Variants in IL1RN observed in about 807,000 individuals in gnomAD.
The protein encoded by IL1RN is interleukin-1 receptor antagonist protein.
IL1RN carries 10 observed loss-of-function variants against 13.7 expected under a neutral mutation model. That is an observed-to-expected ratio of 0.73 (90% CI 0.45 to 1.24). IL1RN has a LOEUF of 1.24. Ranked by LOEUF, IL1RN falls within the 50% of genes most tolerant of loss-of-function variation. The pLI is 0.00. For synonymous variants in IL1RN, 102 were observed against 82.7 expected, an observed-to-expected ratio of 1.23 and a Z score of -1.27; for missense variants, 213 against 222.1, an observed-to-expected ratio of 0.96 and a Z score of 0.26.
rs442710 is a variant in IL1RN, at chr2:113,129,822, G to A, written c.205+158G>A. 0.24 allele frequency: 159,049 copies of A among 658,132 alleles called. 21,569 individuals are homozygous for A. Among genetic ancestry groups the A allele is most frequent in the Admixed American group, 0.3 (14,235 of 47,506 alleles). 40.8% of individuals were successfully genotyped at this position (658,132 alleles called of 1,614,324 possible). A position where few individuals can be genotyped will look rare whatever the true frequency, so the allele number is the denominator to read the frequency against. Reference sequence around the variant, plus strand: ...TTGAAGCTGGGAGGGCCTGGCTACTGAAGGGCACATATGAGGGCAGCCTGA... The same window carrying A: ...TTGAAGCTGGGAGGGCCTGGCTACTAAAGGGCACATATGAGGGCAGCCTGA... On this transcript the variant is annotated intron_variant, in intron 2 of 3. Transcript: ENST00000409930.
intron 2 of IL1RN, chr2:113,121,311 C>T: frequency 4.2e-6 from 1 of 239,564 alleles, no homozygotes; most frequent in Non-Finnish European, 6.7e-6. Context: ...TATGTCTGTC[C>T]ACTTTGCACA....
At chr2:113,120,967 T>G (rs76619959) in intron 2 of IL1RN, among the ~76,000 whole-genome samples, 3 of 147,074 alleles carry the variant, frequency 2.0e-5, no homozygotes, top group African/African-American at 8.2e-5. Flanking sequence ...TAGTTTCTTC[T>G]TCTTCTTCTT....
upstream of IL1RN, among the ~76,000 whole-genome samples, chr2:113,106,523 C>T (rs984286107): frequency 5.3e-5 from 8 of 152,110 alleles, no homozygotes; most frequent in African/African-American, 1.9e-4. Context: ...TTAATTATTG[C>T]TTGTGTTTAC....
chr2:113,128,795 G>A (rs1687056108), intron 1 of IL1RN, among the ~76,000 whole-genome samples: 3 of 152,194 alleles, frequency 2.0e-5, no homozygotes, highest in Admixed American at 2.0e-4. Flanking sequence ...CAGGTCCCAG[G>A]TCAGGCTGGC....
chr2:113,118,441 T>C (rs1371419870), intron 1 of IL1RN, among the ~76,000 whole-genome samples: 1 of 151,248 alleles, frequency 6.6e-6, no homozygotes, highest in East Asian at 2.0e-4. Flanking sequence ...GGTCTGAGGG[T>C]TGATTGATAA....
At chr2:113,116,576 C>T (rs1043741350), upstream of IL1RN, among the ~76,000 whole-genome samples, 2 of 152,128 alleles carry the variant, frequency 1.3e-5, no homozygotes, top group South Asian at 2.1e-4. Flanking sequence ...ATGAAGAGAC[C>T]CTGGGAATGA....
chr2:113,106,993 A>T (rs1370571344), upstream of IL1RN, among the ~76,000 whole-genome samples: 1 of 152,246 alleles, frequency 6.6e-6, no homozygotes, highest in Non-Finnish European at 1.5e-5. Flanking sequence ...AAAGAAAACT[A>T]TTGTGCTGAA....
chr2:113,100,801 A>T, the IL1RN span, among the ~76,000 whole-genome samples: 5 of 152,290 alleles, frequency 3.3e-5, no homozygotes, highest in African/African-American at 1.2e-4. Flanking sequence ...CACAAAGAAG[A>T]TCCAAGTGAC....
upstream of IL1RN, among the ~76,000 whole-genome samples, chr2:113,123,133 TA>T (rs928471146): frequency 1.3e-5 from 2 of 152,034 alleles, no homozygotes; most frequent in Non-Finnish European, 2.9e-5. Flanking sequence ...CTCAAAAAAA[TA>T]AATAAATAAA....
chr2:113,104,781 A>C (rs1022034573), upstream of IL1RN, among the ~76,000 whole-genome samples: 1 of 152,056 alleles, frequency 6.6e-6, no homozygotes, highest in Admixed American at 6.5e-5. Context: ...TATACTGATA[A>C]TGGGACTGAT....
intron 1 of IL1RN, among the ~76,000 whole-genome samples, chr2:113,111,800 A>T (rs1223788394): frequency 2.0e-5 from 3 of 152,282 alleles, no homozygotes; most frequent in African/African-American, 7.2e-5. Flanking sequence ...CTTCGTGTGC[A>T]CACACAAAAA....
intron 1 of IL1RN, among the ~76,000 whole-genome samples, chr2:113,118,617 AG>A (rs375121151): frequency 6.6e-6 from 1 of 152,360 alleles, no homozygotes; most frequent in African/African-American, 2.4e-5. Context: ...CAATAAAGCA[AG>A]CAGATAAAAT....
chr2:113,104,211 A>G (rs1686354932), upstream of IL1RN, among the ~76,000 whole-genome samples: 1 of 152,218 alleles, frequency 6.6e-6, no homozygotes, highest in Non-Finnish European at 1.5e-5. Flanking sequence ...TGTCAGTGTT[A>G]GCTGGTCACT....
upstream of IL1RN, among the ~76,000 whole-genome samples, chr2:113,103,029 A>C (rs973652590): frequency 1.3e-5 from 2 of 152,252 alleles, no homozygotes; most frequent in African/African-American, 4.8e-5. Flanking sequence ...CCCACGGCAG[A>C]CATGACTACT....
chr2:113,120,084 G>A (rs1463856176), exon 2 of IL1RN: 1 of 1,613,462 alleles, frequency 6.2e-7, no homozygotes, highest in East Asian at 2.2e-5. Flanking sequence ...TATGAAGAAG[G>A]AGGTGGAGGA....
upstream of IL1RN, among the ~76,000 whole-genome samples, chr2:113,124,833 C>T (rs1172109980): frequency 6.6e-6 from 1 of 152,174 alleles, no homozygotes; most frequent in African/African-American, 2.4e-5. Flanking sequence ...CACCCTCACC[C>T]TGTGCATGTC....
At chr2:113,106,620 T>G (rs1686391356), upstream of IL1RN, among the ~76,000 whole-genome samples, 1 of 152,212 alleles carries the variant, frequency 6.6e-6, no homozygotes, top group African/African-American at 2.4e-5. Context: ...TTCCTTTCCT[T>G]TTTTTGAGAG....
intron 2 of IL1RN, among the ~76,000 whole-genome samples, chr2:113,120,500 T>C (rs913240705): frequency 6.6e-6 from 1 of 152,208 alleles, no homozygotes; most frequent in African/African-American, 2.4e-5. Context: ...GAGGTACCAG[T>C]GCCCTTTAAG....
chr2:113,132,348 T>TGAGGCAGGAGAATCGCTTG (rs774086690), intron 3 of IL1RN, among the ~76,000 whole-genome samples: 26 of 152,214 alleles, frequency 1.7e-4, no homozygotes, highest in African/African-American at 2.4e-4. Context: ...CTCAGGAGGC[T>TGAGGCAGGAGAATCGCTTG]GAGGCAGGAG....
Sources: allele counts gnomAD v4.1 joint callset (sites outside exome capture counted in the v4.1 genomes callset), GRCh38; gene constraint gnomAD v4.1.1; transcripts MANE v1.5; gene names NCBI Gene and HGNC (gene_info 2026-07-23, HGNC 2026-07-21).